Variants in GATAD2A observed in about 807,000 individuals in gnomAD.
GATAD2A encodes transcriptional repressor p66-alpha.
In GATAD2A, 12 loss-of-function variants were observed where a neutral mutation model predicts 68.5. The observed-to-expected ratio is 0.18, with a 90% confidence interval of 0.11 to 0.28. The LOEUF is 0.28. GATAD2A is among the 10% of genes least tolerant of loss of function. The pLI is 1.00. For synonymous variants in GATAD2A, 410 were observed against 375.3 expected (o/e 1.09, Z -1.07); for missense variants, 755 against 868.5 (o/e 0.87, Z 1.64).
At chr19:19,449,317 C>T (rs2056110627) in intron 1 of GATAD2A, among the ~76,000 whole-genome samples, 3 of 151,260 alleles carry the variant, frequency 2.0e-5, no homozygotes, top group South Asian at 4.2e-4. Context: ...ACCAGAGCTG[C>T]TCTCCACTGT....
chr19:19,409,221 G>A (rs776880501), intron 1 of GATAD2A, among the ~76,000 whole-genome samples: 1 of 151,970 alleles, frequency 6.6e-6, no homozygotes, highest in Non-Finnish European at 1.5e-5. Context: ...GCTTGGACTC[G>A]GGGTGTTTCT....
In GATAD2A at chr19:19,508,881, CGAG is replaced by C. The variant is rs1458104007; in HGVS notation, c.*3410_*3412del. ...GAATGGGTGGCTATACGTTGTATCA[CGAG>C]GAAGTTTTAGACTCTGAAGGATAAT... On this transcript the variant is annotated 3_prime_UTR_variant, in exon 12 of 12. Transcript: ENST00000683918. 3 of 152,134 alleles carry C rather than the reference CGAG, an allele frequency of 2.0e-5. No individual in the cohort carries two copies. The highest frequency in any genetic ancestry group is 7.2e-5 in the African/African-American group (3 of 41,400). The allele number at this position is 152,134 out of a possible 1,614,324, so 9.4% of individuals were successfully genotyped here. A position where few individuals can be genotyped will look rare whatever the true frequency, so the allele number is the denominator to read the frequency against.
At chr19:19,395,632 A>G (rs2049175413) in intron 1 of GATAD2A, among the ~76,000 whole-genome samples, 1 of 152,142 alleles carries the variant, frequency 6.6e-6, no homozygotes, top group Admixed American at 6.5e-5. Flanking sequence ...TTGTTATATT[A>G]TCACAGTGTT....
intron 5 of GATAD2A, among the ~76,000 whole-genome samples, chr19:19,494,915 C>T (rs372360496): frequency 1.3e-5 from 2 of 152,228 alleles, no homozygotes; most frequent in South Asian, 2.1e-4. Flanking sequence ...CCCAGGTTTG[C>T]ACGGCTCTGG....
chr19:19,435,115 A>G (rs2054182955), intron 1 of GATAD2A: 1 of 533,562 alleles, frequency 1.9e-6, no homozygotes, highest in African/African-American at 1.9e-5. Flanking sequence ...CTTATCTGTA[A>G]AATGGGCATG....
At chr19:19,406,584 C>A (rs1034095238) in intron 1 of GATAD2A, among the ~76,000 whole-genome samples, 1 of 152,200 alleles carries the variant, frequency 6.6e-6, no homozygotes, top group Non-Finnish European at 1.5e-5. Flanking sequence ...GGGACCCTTT[C>A]CCCTCTCTGA....
chr19:19,503,644 C>CTGTGTGTGTG lies in GATAD2A; in HGVS notation c.1774+1138_1774+1147dup, dbSNP rs58706182. Among the ~76,000 whole-genome samples, 1,416 of 148,694 alleles carry CTGTGTGTGTG rather than the reference C, an allele frequency of 9.5e-3. 29 individuals carry two copies. Among genetic ancestry groups the CTGTGTGTGTG allele is most frequent in the Admixed American group, 0.045 (666 of 14,924 alleles). ...CACGGTGGTGGAAGTCATCTGGAAG[C>CTGTGTGTGTG]TGTGTGTGTGTGTGTGTGTGTGTGT... On this transcript the variant is annotated intron_variant, in intron 11 of 11. Transcript: ENST00000683918.
chr19:19,505,597 A>T lies in GATAD2A; in HGVS notation c.*123A>T. On this transcript the variant is annotated 3_prime_UTR_variant, in exon 12 of 12. Coordinates refer to ENST00000683918, the MANE Select transcript of GATAD2A (RefSeq NM_001384528.1). ...CACCGTGCCCGCCCCAAGAGCAAGC[A>T]CCGGCCATGCTGCAGAGGCAAGACC... is the stretch of plus-strand genomic sequence containing the variant. 1 of 860,038 alleles carries T rather than the reference A, an allele frequency of 1.2e-6. No homozygotes were observed. Among genetic ancestry groups the T allele is most frequent in the East Asian group, 3.0e-5 (1 of 32,926 alleles). 53.3% of individuals were successfully genotyped at this position (860,038 alleles called of 1,614,324 possible).
chr19:19,479,929 C>T lies in GATAD2A; in HGVS notation c.270-12377C>T, dbSNP rs146193648. Among the ~76,000 whole-genome samples the T allele has an allele frequency of 5.2e-3, 788 of 151,164 alleles. 5 individuals carry two copies. The highest frequency in any genetic ancestry group is 0.041 in the South Asian group (194 of 4,766). ...CTCGGCTCACTGCAACCTCTGCCTC[C>T]CAGGTTCTAGTGATTCTCCTGCCTT... is the stretch of plus-strand genomic sequence containing the variant. On this transcript the variant is annotated intron_variant, in intron 2 of 11. Transcript: ENST00000683918.
At chr19:19,410,977 G>A (rs1230019947) in intron 1 of GATAD2A, among the ~76,000 whole-genome samples, 1 of 152,180 alleles carries the variant, frequency 6.6e-6, no homozygotes, top group African/African-American at 2.4e-5. Flanking sequence ...GTACTGTTAT[G>A]ACTGTAACAG....
intron 2 of GATAD2A, among the ~76,000 whole-genome samples, chr19:19,469,606 A>T (rs2058125095): frequency 6.7e-6 from 1 of 148,640 alleles, no homozygotes; most frequent in South Asian, 2.1e-4. Flanking sequence ...ACTGTGAAGG[A>T]TCTAAATACC....
chr19:19,390,027 G>T, intron 1 of GATAD2A, among the ~76,000 whole-genome samples: 1 of 152,126 alleles, frequency 6.6e-6, no homozygotes, highest in African/African-American at 2.4e-5. Flanking sequence ...GCCTCCCAAG[G>T]TGTTGGGATT....
At chr19:19,412,469 TAAAAA>T (rs939414715) in intron 1 of GATAD2A, among the ~76,000 whole-genome samples, 1 of 145,076 alleles carries the variant, frequency 6.9e-6, no homozygotes, top group Non-Finnish European at 1.5e-5. Flanking sequence ...CCCCATCTCT[TAAAAA>T]AAAAAAAATT....
chr19:19,420,474 G>A (rs1221284137), intron 1 of GATAD2A, among the ~76,000 whole-genome samples: 2 of 150,130 alleles, frequency 1.3e-5, no homozygotes, highest in Non-Finnish European at 3.0e-5. Flanking sequence ...TGGGACTACA[G>A]GCGCCCGCCA....
intron 1 of GATAD2A, among the ~76,000 whole-genome samples, chr19:19,454,396 G>A (rs1330828901): frequency 1.3e-5 from 2 of 151,454 alleles, no homozygotes; most frequent in Admixed American, 6.6e-5. Flanking sequence ...TCAGGAGTTC[G>A]AGACCAGCCT....
At chr19:19,478,559 A>G (rs945556798) in intron 2 of GATAD2A, among the ~76,000 whole-genome samples, 56 of 151,844 alleles carry the variant, frequency 3.7e-4, no homozygotes, top group African/African-American at 1.2e-3. Context: ...GCACCACTGC[A>G]CTCCAGCCTC....
chr19:19,417,989 A>C (rs1212427959), intron 1 of GATAD2A, among the ~76,000 whole-genome samples: 1 of 152,104 alleles, frequency 6.6e-6, no homozygotes, highest in Admixed American at 6.5e-5. Flanking sequence ...GGGTGTCATG[A>C]TGCAGACATC....
chr19:19,396,679 G>A (rs947564758), intron 1 of GATAD2A, among the ~76,000 whole-genome samples: 1 of 152,056 alleles, frequency 6.6e-6, no homozygotes, highest in Non-Finnish European at 1.5e-5. Context: ...CACTGTGCGC[G>A]ACCTGTTTGT....
intron 1 of GATAD2A, among the ~76,000 whole-genome samples, chr19:19,428,762 G>A (rs547216924): frequency 9.5e-4 from 145 of 152,272 alleles, no homozygotes; most frequent in Non-Finnish European, 1.9e-3. Flanking sequence ...GGGGAGTGCA[G>A]AGTGTGGGCA....
Sources: gnomAD v4.1 joint callset for allele counts (sites outside exome capture counted in the v4.1 genomes callset) on GRCh38, gnomAD v4.1.1 for gene constraint, MANE v1.5 for transcripts, NCBI Gene and HGNC (gene_info 2026-07-23, HGNC 2026-07-21) for gene names.